The following SKAP1 variants were observed in gnomAD, a reference collection of about 807,000 sequenced individuals.
SKAP1 encodes the protein src kinase associated phosphoprotein 1, also known as src kinase-associated phosphoprotein 1.
In SKAP1, 44 loss-of-function variants were observed where a neutral mutation model predicts 58.5. That is an observed-to-expected ratio of 0.75 (90% confidence interval 0.59 to 0.97). The LOEUF is 0.97. SKAP1 is among the 50% of genes least tolerant of loss of function. The pLI is 0.00. For missense variants in SKAP1, 390 were observed against 435.2 expected (o/e 0.90, Z 0.92); for synonymous variants, 127 against 149.7 (o/e 0.85, Z 1.11).
chr17:48,442,234 A>G, the SKAP1 span, among the ~76,000 whole-genome samples: 6 of 152,190 alleles, frequency 3.9e-5, no homozygotes, highest in African/African-American at 1.4e-4. Flanking sequence ...TGTCAATTAC[A>G]TAACAGCTCC....
intron 4 of SKAP1, chr17:48,307,655 A>C (rs889544163): frequency 6.6e-6 from 1 of 152,264 alleles, no homozygotes; most frequent in Non-Finnish European, 1.5e-5. Context: ...TTTAGAAAAC[A>C]ACATTAAATT....
chr17:48,321,950 TTC>T (rs1197988786), intron 4 of SKAP1, among the ~76,000 whole-genome samples: 1 of 152,238 alleles, frequency 6.6e-6, no homozygotes, highest in Non-Finnish European at 1.5e-5. Flanking sequence ...CAGTTTTATC[TTC>T]TCCTGTTCCT....
chr17:48,424,742 G>A (rs571403703), intron 1 of SKAP1, among the ~76,000 whole-genome samples: 1 of 150,040 alleles, frequency 6.7e-6, no homozygotes, highest in Non-Finnish European at 1.5e-5. Context: ...AGACCATTCT[G>A]GCCAACATGC....
chr17:48,281,933 CAAT>C (rs1176942392), intron 4 of SKAP1, among the ~76,000 whole-genome samples: 1 of 152,012 alleles, frequency 6.6e-6, no homozygotes, highest in Non-Finnish European at 1.5e-5. Context: ...AGTACTGCAG[CAAT>C]AAGGAAAACC....
chr17:48,275,319 T>C (rs1598498639), intron 4 of SKAP1, among the ~76,000 whole-genome samples: 1 of 152,310 alleles, frequency 6.6e-6, no homozygotes, highest in Non-Finnish European at 1.5e-5. Context: ...TGCTGAGCCC[T>C]TTCTTGAAAT....
chr17:48,426,932 C>T (rs375663640), intron 1 of SKAP1, among the ~76,000 whole-genome samples: 18 of 152,032 alleles, frequency 1.2e-4, no homozygotes, highest in African/African-American at 4.1e-4. Flanking sequence ...GTAAATGGTC[C>T]GTTAGCACTC....
intron 5 of SKAP1, 45 bp downstream of exon 5, chr17:48,189,378 C>G: frequency 6.6e-7 from 1 of 1,505,684 alleles, no homozygotes; most frequent in Middle Eastern, 1.7e-4. Flanking sequence ...CCTCACTTCC[C>G]TTCCCTTCCT....
intron 3 of SKAP1, among the ~76,000 whole-genome samples, chr17:48,351,140 G>A (rs1194118690): frequency 6.6e-6 from 1 of 152,086 alleles, no homozygotes; most frequent in East Asian, 1.9e-4. Context: ...TATATGTTGG[G>A]TACAGATGTG....
At chr17:48,407,757 G>A (rs367773609) in intron 1 of SKAP1, among the ~76,000 whole-genome samples, 1 of 152,186 alleles carries the variant, frequency 6.6e-6, no homozygotes, top group African/African-American at 2.4e-5. Flanking sequence ...TGAAGGCTGA[G>A]GCAAGAGGAT....
intron 4 of SKAP1, among the ~76,000 whole-genome samples, chr17:48,265,501 AAAGC>A (rs201049578): frequency 1.8e-4 from 26 of 148,424 alleles, no homozygotes; most frequent in African/African-American, 3.7e-4. Flanking sequence ...AAAAAAAAAA[AAAGC>A]AAGCAAGCAA....
chr17:48,356,432 A>G (rs1415963181), intron 3 of SKAP1, among the ~76,000 whole-genome samples: 2 of 152,248 alleles, frequency 1.3e-5, no homozygotes, highest in African/African-American at 2.4e-5. Context: ...CCAGAGCAAA[A>G]CCTTCAAATG....
At chr17:48,158,955 T>G (rs1477451732) in intron 11 of SKAP1, among the ~76,000 whole-genome samples, 4 of 130,212 alleles carry the variant, frequency 3.1e-5, no homozygotes, top group South Asian at 2.9e-4. Context: ...GCGAGACGCC[T>G]TCTCAAAAAG....
At chr17:48,272,157 G>A (rs1356488047) in intron 4 of SKAP1, among the ~76,000 whole-genome samples, 3 of 143,492 alleles carry the variant, frequency 2.1e-5, no homozygotes, top group African/African-American at 2.6e-5. Context: ...TTTTTGAGAT[G>A]AAGTCTCACT....
intron 1 of SKAP1, among the ~76,000 whole-genome samples, chr17:48,408,000 C>T (rs556004900): frequency 1.6e-4 from 24 of 151,974 alleles, no homozygotes; most frequent in African/African-American, 5.3e-4. Context: ...CACAAATATA[C>T]AAAAATTAGG....
chr17:48,356,187 G>A (rs2066873702), intron 3 of SKAP1, among the ~76,000 whole-genome samples: 1 of 152,008 alleles, frequency 6.6e-6, no homozygotes. Flanking sequence ...TTGGGAGATG[G>A]AAGCTGCAGT....
chr17:48,337,547 A>G (rs1227444744), intron 4 of SKAP1, among the ~76,000 whole-genome samples: 2 of 152,210 alleles, frequency 1.3e-5, no homozygotes, highest in Non-Finnish European at 2.9e-5. Flanking sequence ...TGAACTCTTC[A>G]TTAGTAGTGT....
At position 48,356,087 on chromosome 17, in the gene SKAP1, C is replaced by G. The variant is rs571597570; in HGVS notation, c.178+7702G>C. On this transcript the variant is annotated intron_variant, in intron 3 of 12. Coordinates refer to ENST00000336915, the MANE Select transcript of SKAP1 (RefSeq NM_003726.4). ...CTGGTAACATGGTGAGACCTTATGT[C>G]TACAAAAAATACAAAAATTAGCTGC... Among the ~76,000 whole-genome samples the G allele has an allele frequency of 8.9e-5, 8 of 89,982 alleles. No individual in the cohort carries two copies. The East Asian group carries it at 1.9e-3, about 22-fold the overall frequency. 59.0% of individuals were successfully genotyped at this position (89,982 alleles called of 152,430 possible).
In SKAP1 at chr17:48,229,544, C is replaced by A. The variant is rs187384080; in HGVS notation, c.281-40044G>T. On this transcript the variant is annotated intron_variant, in intron 4 of 12. Coordinates refer to ENST00000336915, the MANE Select transcript of SKAP1 (RefSeq NM_003726.4). ...GCTGAGGCAGGAGAATTGCTTAAAC[C>A]CAGGAGGCAGAGGTTGCAGTGAGCT... is the stretch of plus-strand genomic sequence containing the variant. Among the ~76,000 whole-genome samples, 467 of 152,130 alleles carry A rather than the reference C, an allele frequency of 3.1e-3. 3 individuals carry two copies. The highest frequency in any genetic ancestry group is 0.01 in the African/African-American group (430 of 41,496).
chr17:48,238,996 G>A (rs1415922928), intron 4 of SKAP1, among the ~76,000 whole-genome samples: 1 of 152,162 alleles, frequency 6.6e-6, no homozygotes, highest in Non-Finnish European at 1.5e-5. Context: ...GTAGAGACAG[G>A]TATCTTTAGT....
Sources: allele counts gnomAD v4.1 joint callset (sites outside exome capture counted in the v4.1 genomes callset), GRCh38; gene constraint gnomAD v4.1.1; transcripts MANE v1.5; gene names NCBI Gene and HGNC (gene_info 2026-07-23, HGNC 2026-07-21).